RAB5C: variants seen among roughly 807,000 people sequenced by gnomAD.
The protein encoded by RAB5C is RAB5C, member RAS oncogene family, also known as ras-related protein Rab-5C.
RAB5C carries 4 observed loss-of-function variants against 25.2 expected under a neutral mutation model. The ratio of observed to expected loss-of-function variants is 0.16; its 90% CI spans 0.08 to 0.36. The LOEUF (loss-of-function observed/expected upper bound fraction) is 0.36. RAB5C is among the 10% of genes least tolerant of loss of function. The probability of loss-of-function intolerance (pLI) is 1.00; values close to 1 mark genes in which losing one functional copy is unlikely to be tolerated. For synonymous variants in RAB5C, 100 were observed against 106.4 expected (o/e 0.94, Z 0.37); for missense variants, 199 against 283.8 (o/e 0.70, Z 2.15).
At chr17:42,154,476 C>T (rs1160373163) in intron 1 of RAB5C, 1 of 152,250 alleles carries the variant, frequency 6.6e-6, no homozygotes, top group African/African-American at 2.4e-5. Flanking sequence ...TCGAGATATT[C>T]CTCTAGGGCT....
At chr17:42,126,686 C>A in intron 5 of RAB5C, 69 bp downstream of exon 5, 1 of 861,936 alleles carries the variant, frequency 1.2e-6, no homozygotes, top group African/African-American at 1.7e-5. Context: ...CGCAGGCCCA[C>A]TCTAGACCAG....
At position 42,125,585 on chromosome 17, in the gene RAB5C, A is replaced by C; in HGVS notation, c.*198T>G. 1.8e-6 allele frequency: 1 copy of C among 543,914 alleles called. No homozygotes were observed. The highest frequency in any genetic ancestry group is 3.3e-6 in the Non-Finnish European group (1 of 306,716). The allele number at this position is 543,914 out of a possible 1,614,324, so 33.7% of individuals were successfully genotyped here. ...AAAAGTGACTTAAGACTTAAAATTG[A>C]ATTAGTATTTGTACAGAAAGGTGCA... On this transcript the variant is annotated 3_prime_UTR_variant, in exon 6 of 6. Coordinates refer to ENST00000346213, the MANE Select transcript of RAB5C (RefSeq NM_004583.4).
chr17:42,136,510 T>C (rs1568021127), intron 1 of RAB5C: 1 of 152,230 alleles, frequency 6.6e-6, no homozygotes, highest in Non-Finnish European at 1.5e-5. Context: ...CCACCGTTTA[T>C]TAGCCGTGTG....
rs560703222 is a variant in RAB5C at position 42,144,192 on chromosome 17, C to T, written c.-89+10701G>A. ...GGAGAATAGGCCAGGCGCAGTGGCT[C>T]ACGCCTGTAATCCCAGCACTTTGGG... On this transcript the variant is annotated intron_variant, in intron 1 of 5. Coordinates refer to ENST00000346213, the MANE Select transcript of RAB5C (RefSeq NM_004583.4). 6.1e-3 allele frequency among the ~76,000 whole-genome samples: 926 copies of T among 152,266 alleles called. 5 individuals are homozygous for T. Among genetic ancestry groups the T allele is most frequent in the Non-Finnish European group, 8.4e-3 (572 of 68,020 alleles).
intron 1 of RAB5C, among the ~76,000 whole-genome samples, chr17:42,132,595 A>T (rs1397434329): frequency 6.6e-6 from 1 of 152,128 alleles, no homozygotes; most frequent in African/African-American, 2.4e-5. Context: ...GCTAGAGTGC[A>T]GCGGTGTGAT....
chr17:42,138,440 C>G lies in RAB5C; in HGVS notation c.-88-7850G>C, dbSNP rs964289678. Among the ~76,000 whole-genome samples, 22 of 152,290 alleles carry G rather than the reference C, an allele frequency of 1.4e-4. No homozygotes were observed. In the South Asian group the frequency reaches 4.6e-3, roughly 32 times the overall value. On this transcript the variant is annotated intron_variant, in intron 1 of 5. Transcript: ENST00000346213. ...ACCTTCAGGAGGTCCAGCTCTTAAACCTAGACTTGGGGGAGGCAGCAGTAG... is the reference window on the plus strand; with the variant it reads ...ACCTTCAGGAGGTCCAGCTCTTAAAGCTAGACTTGGGGGAGGCAGCAGTAG...
chr17:42,153,534 A>G lies in RAB5C; in HGVS notation c.-89+1359T>C, dbSNP rs542440865. On this transcript the variant is annotated intron_variant, in intron 1 of 5. Coordinates refer to ENST00000346213, the MANE Select transcript of RAB5C (RefSeq NM_004583.4). ...CAAACACACCTCAAGGCCAAAAAAC[A>G]CAGCACTTTTAAGTGGCAAGCGAGG... Among the ~76,000 whole-genome samples, 16 of 152,330 alleles carry G rather than the reference A, an allele frequency of 1.1e-4. No homozygotes were observed. The East Asian group carries it at 2.9e-3, about 28-fold the overall frequency.
intron 2 of RAB5C, among the ~76,000 whole-genome samples, chr17:42,129,520 C>T (rs998558593): frequency 6.6e-6 from 1 of 152,208 alleles, no homozygotes; most frequent in Non-Finnish European, 1.5e-5. Context: ...GGACAGACAG[C>T]AAAAGGCCCC....
chr17:42,140,707 G>C (rs180920745), intron 1 of RAB5C, among the ~76,000 whole-genome samples: 1 of 151,590 alleles, frequency 6.6e-6, no homozygotes, highest in East Asian at 1.9e-4. Context: ...TGTATTTTTA[G>C]TAGAGATGAG....
chr17:42,141,417 C>A (rs1339017537), intron 1 of RAB5C, among the ~76,000 whole-genome samples: 2 of 152,224 alleles, frequency 1.3e-5, no homozygotes, highest in Non-Finnish European at 2.9e-5. Context: ...CACATAACAG[C>A]AAGCCTGACC....
intron 4 of RAB5C, among the ~76,000 whole-genome samples, chr17:42,127,756 T>G (rs1278534971): frequency 2.0e-5 from 3 of 151,464 alleles, no homozygotes; most frequent in Admixed American, 2.0e-4. Context: ...CTCGAACTCC[T>G]AAGCTCAAGT....
rs1459454617 is a variant in RAB5C at position 42,128,399 on chromosome 17, C to G, written c.319-16G>C. 1.9e-6 allele frequency: 3 copies of G among 1,608,042 alleles called. No homozygotes were observed. The highest frequency in any genetic ancestry group is 1.7e-6 in the Non-Finnish European group (2 of 1,176,222). On this transcript the variant is annotated splice_polypyrimidine_tract_variant and intron_variant, in intron 3 of 5. Coordinates refer to ENST00000346213, the MANE Select transcript of RAB5C (RefSeq NM_004583.4). Reference sequence around the variant, plus strand: ...CAAATGTATCCTGAGGAGACAGGGACAGAATGTCGAAGGGACAGAGAAGGC... The same window carrying G: ...CAAATGTATCCTGAGGAGACAGGGAGAGAATGTCGAAGGGACAGAGAAGGC...
At chr17:42,132,016 C>A (rs1598246643) in intron 1 of RAB5C, among the ~76,000 whole-genome samples, 1 of 152,126 alleles carries the variant, frequency 6.6e-6, no homozygotes, top group East Asian at 1.9e-4. Context: ...TCTAAGATCC[C>A]AGGGAGAGCC....
intron 4 of RAB5C, 41 bp from the exon 5 acceptor site, chr17:42,126,889 T>C (rs750091033): frequency 8.2e-5 from 110 of 1,339,308 alleles, no homozygotes; most frequent in Non-Finnish European, 9.2e-5. Context: ...AGGGAAATGT[T>C]GGCAGGGGCC....
intron 1 of RAB5C, among the ~76,000 whole-genome samples, chr17:42,140,889 C>T (rs551497607): frequency 7.9e-5 from 12 of 151,988 alleles, no homozygotes; most frequent in East Asian, 7.8e-4. Context: ...ATTGCAGTGA[C>T]GCAATCATAG....
In RAB5C at chr17:42,130,276, A is replaced by C. The variant is rs2054470499; in HGVS notation, c.166+61T>G. On this transcript the variant is annotated intron_variant, in intron 2 of 5. Coordinates refer to ENST00000346213, the MANE Select transcript of RAB5C (RefSeq NM_004583.4). ...AGGCAGGCAGCTTCCCATCTCCTCA[A>C]GGTCAAAGCATTTCTTTGGCAACCT... 6 of 1,540,084 alleles carry C rather than the reference A, an allele frequency of 3.9e-6. No individual in the cohort carries two copies. The South Asian group carries it at 7.5e-5, about 19-fold the overall frequency.
intron 1 of RAB5C, among the ~76,000 whole-genome samples, chr17:42,142,693 G>C (rs892195020): frequency 3.9e-5 from 6 of 152,202 alleles, no homozygotes; most frequent in Non-Finnish European, 7.3e-5. Context: ...CTCCTGTTAA[G>C]ATCCCAAGTT....
chr17:42,128,850 C>G lies in RAB5C; in HGVS notation c.167-50G>C. ...GGGCAAGAGCGAGTTGGAATCCACC[C>G]CACACAATCCCACTGTTGCTTCTAG... On this transcript the variant is annotated intron_variant, in intron 2 of 5. Transcript: ENST00000346213. 5.8e-6 allele frequency: 8 copies of G among 1,368,858 alleles called. No homozygotes were observed. In the South Asian group the frequency reaches 1.6e-4, roughly 28 times the overall value. 84.8% of individuals were successfully genotyped at this position (1,368,858 alleles called of 1,614,324 possible). A position where few individuals can be genotyped will look rare whatever the true frequency, so the allele number is the denominator to read the frequency against.
rs776867949 is a variant in RAB5C, at chr17:42,126,735, G to C, written c.535+20C>G. The C allele has an allele frequency of 1.3e-6, 2 of 1,564,942 alleles. No individual in the cohort carries two copies. Among genetic ancestry groups the C allele is most frequent in the African/African-American group, 1.4e-5 (1 of 73,770 alleles). The stretch of plus-strand genomic sequence containing the variant: ...TGCCCTTGCTGTGGTGGAGAGAGGA[G>C]GGGAGGAGAAGCAACTGACCTATTG... On this transcript the variant is annotated intron_variant, in intron 5 of 5. Transcript: ENST00000346213.
Sources: gnomAD v4.1 joint callset for allele counts (sites outside exome capture counted in the v4.1 genomes callset) on GRCh38, gnomAD v4.1.1 for gene constraint, MANE v1.5 for transcripts, NCBI Gene and HGNC (gene_info 2026-07-23, HGNC 2026-07-21) for gene names.